Variants in SUPT3H observed in about 807,000 individuals in gnomAD.
SUPT3H encodes the protein transcription initiation protein SPT3 homolog.
SUPT3H carries 44 observed loss-of-function variants against 44.3 expected under a neutral mutation model. The ratio of observed to expected loss-of-function variants is 0.99; its 90% CI spans 0.78 to 1.28. The LOEUF is 1.28. SUPT3H is among the 50% of genes most tolerant of loss of function. The pLI is 0.00. For synonymous variants in SUPT3H, 124 were observed against 125.6 expected, an observed-to-expected ratio of 0.99 and a Z score of 0.09; for missense variants, 380 against 387.1, an observed-to-expected ratio of 0.98 and a Z score of 0.15.
intron 3 of SUPT3H, among the ~76,000 whole-genome samples, chr6:45,031,056 T>C (rs1786843304): frequency 6.6e-6 from 1 of 152,206 alleles, no homozygotes; most frequent in Admixed American, 6.5e-5. Flanking sequence ...CTTGACTTTC[T>C]TTGTCTCATA....
chr6:45,182,984 T>A (rs565390310), intron 2 of SUPT3H, among the ~76,000 whole-genome samples: 1 of 152,208 alleles, frequency 6.6e-6, no homozygotes, highest in African/African-American at 2.4e-5. Context: ...TAGTTATATA[T>A]GCAAAGAACT....
chr6:45,205,432 T>A (rs139099271), intron 2 of SUPT3H, among the ~76,000 whole-genome samples: 156 of 152,298 alleles, frequency 1.0e-3, no homozygotes, highest in African/African-American at 3.5e-3. Flanking sequence ...AATATAAAAT[T>A]CCTGAAATTC....
chr6:45,101,990 A>G (rs1172900998), intron 3 of SUPT3H, among the ~76,000 whole-genome samples: 1 of 152,194 alleles, frequency 6.6e-6, no homozygotes, highest in Non-Finnish European at 1.5e-5. Flanking sequence ...TTGGGGTAGA[A>G]AAATTTGACA....
At chr6:45,365,392 AAG>A (rs1794961304) in intron 1 of SUPT3H, 91 bp from the exon 2 acceptor site, 1 of 800,598 alleles carries the variant, frequency 1.2e-6, no homozygotes, top group Non-Finnish European at 2.0e-6. Context: ...TTACTTCAAA[AAG>A]TAGAGAAAAT....
At chr6:45,339,540 T>C (rs532106029) in intron 2 of SUPT3H, among the ~76,000 whole-genome samples, 1 of 152,254 alleles carries the variant, frequency 6.6e-6, no homozygotes, top group Admixed American at 6.5e-5. Flanking sequence ...AGTCAATGGT[T>C]ATGTGTTTAA....
intron 10 of SUPT3H, among the ~76,000 whole-genome samples, chr6:44,894,695 G>T (rs1763844129): frequency 1.3e-5 from 2 of 151,882 alleles, no homozygotes; most frequent in African/African-American, 4.8e-5. Context: ...GGATTGACTT[G>T]GTGATGCGGT....
chr6:45,145,947 A>G (rs1805989267), intron 2 of SUPT3H, among the ~76,000 whole-genome samples: 1 of 152,202 alleles, frequency 6.6e-6, no homozygotes, highest in East Asian at 1.9e-4. Flanking sequence ...AGGGAAATGC[A>G]AATCAAAACC....
intron 3 of SUPT3H, among the ~76,000 whole-genome samples, chr6:45,043,827 G>A (rs1788966547): frequency 1.3e-5 from 2 of 152,092 alleles, no homozygotes; most frequent in South Asian, 2.1e-4. Context: ...TTGGGGCATG[G>A]TAGAGATTGA....
intron 2 of SUPT3H, among the ~76,000 whole-genome samples, chr6:45,254,877 T>C (rs917210539): frequency 6.6e-6 from 1 of 152,158 alleles, no homozygotes; most frequent in Non-Finnish European, 1.5e-5. Flanking sequence ...TGAAATCTCA[T>C]GCCAACCTGC....
In SUPT3H at chr6:45,276,390, A is replaced by G. The variant is rs535664171; in HGVS notation, c.101+88811T>C. Among the ~76,000 whole-genome samples the G allele has an allele frequency of 3.3e-5, 5 of 152,338 alleles. No homozygotes were observed. In the East Asian group the frequency reaches 9.6e-4, roughly 29 times the overall value. On this transcript the variant is annotated intron_variant, in intron 2 of 10. Coordinates refer to ENST00000371459, the MANE Select transcript of SUPT3H (RefSeq NM_003599.4). ...TATACAATATAATCAAATACTATATAAAGAAAAAAGTTATGCACTAAAATA... is the reference window on the plus strand; with the variant it reads ...TATACAATATAATCAAATACTATATGAAGAAAAAAGTTATGCACTAAAATA...
chr6:44,951,537 T>C (rs532151387), intron 9 of SUPT3H, among the ~76,000 whole-genome samples: 7 of 152,224 alleles, frequency 4.6e-5, no homozygotes, highest in African/African-American at 1.2e-4. Flanking sequence ...GGGAGGGGTG[T>C]CTGCCAGCCA....
Position 44,917,039 on chromosome 6 carries a change from A to T in SUPT3H, c.912+15614T>A, listed in dbSNP as rs564933473. 2.0e-5 allele frequency among the ~76,000 whole-genome samples: 3 copies of T among 152,190 alleles called. No individual in the cohort carries two copies. The East Asian group carries it at 5.8e-4, about 29-fold the overall frequency. On this transcript the variant is annotated intron_variant, in intron 10 of 10. Transcript: ENST00000371459. ...CATGACAGTATACGTCTGTAGTCCC[A>T]GCTATTTGGGAGGCTGAGGCGGGAG...
In SUPT3H at chr6:45,262,244, A is replaced by G. The variant is rs71566527; in HGVS notation, c.101+102957T>C. The stretch of plus-strand genomic sequence containing the variant: ...ACTATTCTAAAATTCTTATGGAACC[A>G]AAAAAGAGCCTAGACAGCCAAAGCA... On this transcript the variant is annotated intron_variant, in intron 2 of 10. Transcript: ENST00000371459. Among the ~76,000 whole-genome samples, 802 of 152,134 alleles carry G rather than the reference A, an allele frequency of 5.3e-3. 5 individuals carry two copies. The highest frequency in any genetic ancestry group is 0.018 in the African/African-American group (748 of 41,540).
intron 6 of SUPT3H, among the ~76,000 whole-genome samples, chr6:44,981,028 C>A (rs930882129): frequency 1.3e-5 from 2 of 152,198 alleles, no homozygotes; most frequent in Admixed American, 1.3e-4. Flanking sequence ...ATGATTCACT[C>A]CAATGCCTAC....
chr6:45,217,239 G>A (rs764475631), intron 2 of SUPT3H, among the ~76,000 whole-genome samples: 1 of 152,146 alleles, frequency 6.6e-6, no homozygotes, highest in Non-Finnish European at 1.5e-5. Context: ...CACTTTGGGA[G>A]GCCGAGGCAG....
chr6:44,831,975 T>TG (rs1768863619), intron 10 of SUPT3H, among the ~76,000 whole-genome samples: 4 of 152,204 alleles, frequency 2.6e-5, no homozygotes, highest in African/African-American at 9.6e-5. Context: ...ATTTCTGTGA[T>TG]GTTCTTCCCA....
intron 11 of SUPT3H, among the ~76,000 whole-genome samples, chr6:44,810,270 A>T (rs1201063702): frequency 9.2e-5 from 14 of 152,344 alleles, no homozygotes; most frequent in East Asian, 1.9e-4. Flanking sequence ...TGAGTTGTTT[A>T]CTAAGGGCAA....
intron 6 of SUPT3H, among the ~76,000 whole-genome samples, chr6:44,994,606 G>T (rs1781033461): frequency 6.6e-6 from 1 of 152,110 alleles, no homozygotes; most frequent in South Asian, 2.1e-4. Flanking sequence ...ACTAGCTACT[G>T]CCACTGGCAG....
At chr6:45,003,930 C>G in intron 5 of SUPT3H, 138 bp from the exon 6 acceptor site, 1 of 966,152 alleles carries the variant, frequency 1.0e-6, no homozygotes, top group Non-Finnish European at 1.5e-6. Context: ...AAAATTCTTG[C>G]ATTCAAAATA....
Sources: allele counts gnomAD v4.1 joint callset (sites outside exome capture counted in the v4.1 genomes callset), GRCh38; gene constraint gnomAD v4.1.1; transcripts MANE v1.5; gene names NCBI Gene and HGNC (gene_info 2026-07-23, HGNC 2026-07-21).